LPP: variants seen among roughly 807,000 people sequenced by gnomAD.
The protein encoded by LPP is lipoma-preferred partner.
LPP carries 38 observed loss-of-function variants against 60.4 expected under a neutral mutation model. The observed-to-expected ratio is 0.63, with a 90% CI of 0.49 to 0.83. The LOEUF (loss-of-function observed/expected upper bound fraction) is 0.83. Ranked by LOEUF, LPP falls within the 40% of genes least tolerant of loss-of-function variation. The pLI, the probability that LPP is intolerant of heterozygous loss-of-function variation, is 0.00. For synonymous variants in LPP, 328 were observed against 290.8 expected (o/e 1.13, Z -1.30); for missense variants, 902 against 783.6 (o/e 1.15, Z -1.80).
At chr3:188,504,041 C>A (rs1354595117) in intron 5 of LPP, among the ~76,000 whole-genome samples, 3 of 152,066 alleles carry the variant, frequency 2.0e-5, no homozygotes, top group Non-Finnish European at 1.5e-5. Context: ...CCTTTTCTCT[C>A]TGTCTCATAC....
intron 9 of LPP, among the ~76,000 whole-genome samples, chr3:188,768,730 C>T (rs1734923729): frequency 6.6e-6 from 1 of 152,080 alleles, no homozygotes; most frequent in Non-Finnish European, 1.5e-5. Context: ...AGAAATAAAA[C>T]ATTAAAAATT....
chr3:188,607,370 G>GATAGATATATATATATATATAT (rs1553941079), intron 6 of LPP, among the ~76,000 whole-genome samples: 1 of 102,732 alleles, frequency 9.7e-6, no homozygotes, highest in African/African-American at 3.6e-5. Context: ...GAAAATAGAA[G>GATAGATATATATATATATATAT]ATATATATAT....
chr3:188,770,212 T>TCTGTCACCC (rs1735458156), intron 9 of LPP, among the ~76,000 whole-genome samples: 1 of 137,210 alleles, frequency 7.3e-6, no homozygotes, highest in Non-Finnish European at 1.5e-5. Flanking sequence ...GGGGTCTTGC[T>TCTGTCACCC]CTGTCACCCA....
intron 8 of LPP, among the ~76,000 whole-genome samples, chr3:188,753,827 A>G (rs1577352544): frequency 6.6e-6 from 1 of 152,000 alleles, no homozygotes. Flanking sequence ...GAGAGAGGGA[A>G]ACAGACATTG....
intron 7 of LPP, among the ~76,000 whole-genome samples, chr3:188,613,301 T>TATCTATATC (rs1553944255): frequency 9.1e-6 from 1 of 110,254 alleles, no homozygotes; most frequent in African/African-American, 3.3e-5. Context: ...TCTATATCTA[T>TATCTATATC]ATCTATATCT....
chr3:188,469,971 T>C (rs1311631531), intron 4 of LPP, among the ~76,000 whole-genome samples: 2 of 152,118 alleles, frequency 1.3e-5, no homozygotes, highest in African/African-American at 2.4e-5. Context: ...AACCAGGGTG[T>C]TGTATTTTTA....
At chr3:188,216,137 C>A (rs2149248440) in intron 1 of LPP, among the ~76,000 whole-genome samples, 1 of 152,194 alleles carries the variant, frequency 6.6e-6, no homozygotes, top group Middle Eastern at 3.4e-3. Flanking sequence ...TACCTCAGAT[C>A]ATTTCTGGAA....
At chr3:188,622,084 C>T (rs1187886969) in intron 7 of LPP, among the ~76,000 whole-genome samples, 1 of 152,158 alleles carries the variant, frequency 6.6e-6, no homozygotes, top group Non-Finnish European at 1.5e-5. Flanking sequence ...TTAACAAGAG[C>T]ATTCTTCTAA....
intron 2 of LPP, among the ~76,000 whole-genome samples, chr3:188,256,727 A>G (rs1731797628): frequency 6.6e-6 from 1 of 152,218 alleles, no homozygotes. Context: ...AAAAATTCAG[A>G]CGATGATAAT....
rs991801135 is a variant in LPP, at chr3:188,610,970, A to G, written c.1113+1126A>G. ...GTAGAAGTTTGGACTGTATTTTTAA[A>G]AATTCTTTCCACATTTTTACAAGAT... On this transcript the variant is annotated intron_variant, in intron 7 of 11. Transcript: ENST00000617246. This position sits in a 1 kb window ranked among gnomAD's most constrained non-coding sequence, Gnocchi z 4.4. Among the ~76,000 whole-genome samples, 1 of 152,202 alleles carries G rather than the reference A, an allele frequency of 6.6e-6. No individual in the cohort carries two copies. Among genetic ancestry groups the G allele is most frequent in the African/African-American group, 2.4e-5 (1 of 41,452 alleles).
chr3:188,532,179 G>C (rs1010445223), intron 6 of LPP, among the ~76,000 whole-genome samples: 3 of 152,132 alleles, frequency 2.0e-5, no homozygotes, highest in Admixed American at 1.3e-4. Context: ...GGCTGAGGCA[G>C]GTTGATTGCT....
At position 188,708,389 on chromosome 3, in the gene LPP, C is replaced by A; in HGVS notation, c.1236C>A (p.Tyr412Ter). 1 of 1,614,192 alleles carries A rather than the reference C, an allele frequency of 6.2e-7. No individual in the cohort carries two copies. Among genetic ancestry groups the A allele is most frequent in the Non-Finnish European group, 8.5e-7 (1 of 1,180,010 alleles). ...YDMENPPADE[Y>*]FGRCARCGEN... ...TGGAAAATCCACCTGCTGACGAATA[C>A]TTTGGTGAGTGGGGCCTAGAGCTGA... The change falls in exon 8 of 12, where the codon TAC (tyrosine) becomes TAA (stop). Residue 412 changes from tyrosine (Y) to a stop codon, truncating the protein, a stop_gained. Coordinates refer to ENST00000617246, the MANE Select transcript of LPP (RefSeq NM_001375462.1). LOFTEE classifies it high-confidence loss of function.
intron 2 of LPP, among the ~76,000 whole-genome samples, chr3:188,301,687 G>A (rs1003556035): frequency 9.2e-5 from 14 of 151,746 alleles, no homozygotes; most frequent in Admixed American, 3.3e-4. Flanking sequence ...TATTATTTGA[G>A]ACAGAGTCTC....
intron 1 of LPP, among the ~76,000 whole-genome samples, chr3:188,201,895 T>C (rs774578137): frequency 2.2e-4 from 33 of 151,980 alleles, no homozygotes; most frequent in African/African-American, 3.4e-4. Context: ...ACGAGTGTGC[T>C]TGATGATGTG....
rs1443913852 is a variant in LPP at position 188,205,326 on chromosome 3, G to A, written c.-189-20079G>A. ...GGCAGAGTCTTGCTCTGTCATCCAG[G>A]CTGGAGTGCAATGGTGCAATCTTGG... is the stretch of plus-strand genomic sequence containing the variant. On this transcript the variant is annotated intron_variant, in intron 1 of 11. Transcript: ENST00000617246. Among the ~76,000 whole-genome samples the A allele has an allele frequency of 2.1e-5, 3 of 143,838 alleles. No homozygotes were observed. The East Asian group carries it at 6.1e-4, about 29-fold the overall frequency. The allele number at this position is 143,838 out of a possible 152,430, so 94.4% of individuals were successfully genotyped here.
At chr3:188,667,725 T>G (rs1369118727) in intron 7 of LPP, among the ~76,000 whole-genome samples, 2 of 150,808 alleles carry the variant, frequency 1.3e-5, no homozygotes, top group African/African-American at 4.9e-5. Context: ...ATTTGTGACC[T>G]GTTGAGTGAG....
intron 2 of LPP, among the ~76,000 whole-genome samples, chr3:188,319,902 G>C (rs1363201666): frequency 6.6e-6 from 1 of 151,252 alleles, no homozygotes; most frequent in African/African-American, 2.5e-5. Flanking sequence ...TGTCTTCTTT[G>C]TCTCCTCCTG....
intron 9 of LPP, among the ~76,000 whole-genome samples, chr3:188,845,125 A>AT (rs1183792839): frequency 3.3e-5 from 5 of 152,192 alleles, no homozygotes; most frequent in South Asian, 2.1e-4. Context: ...AAGCTCCAGA[A>AT]TTTTTTACCA....
intron 6 of LPP, among the ~76,000 whole-genome samples, chr3:188,604,226 A>G (rs1332661051): frequency 2.0e-5 from 3 of 152,150 alleles, no homozygotes; most frequent in East Asian, 1.9e-4. Flanking sequence ...TAGACTTTCA[A>G]TAAATTTCTA....
Sources: allele counts gnomAD v4.1 joint callset (sites outside exome capture counted in the v4.1 genomes callset), GRCh38; gene constraint gnomAD v4.1.1; non-coding constraint Gnocchi (gnomAD v3.1); transcripts MANE v1.5; gene names NCBI Gene and HGNC (gene_info 2026-07-23, HGNC 2026-07-21).